The following PARD3 variants were observed in gnomAD, a reference collection of about 807,000 sequenced individuals.
PARD3 encodes par-3 family cell polarity regulator, also known as partitioning defective 3 homolog.
Under a neutral mutation model 155.4 loss-of-function variants are expected in PARD3, and 75 were observed. The observed-to-expected ratio is 0.48, with a 90% confidence interval of 0.40 to 0.58. PARD3 has a LOEUF of 0.58. PARD3 is among the 20% of genes least tolerant of loss of function. PARD3 has a pLI of 0.00. For missense variants in PARD3, 1,642 were observed against 1,721.7 expected (o/e 0.95, Z 0.82); for synonymous variants, 576 against 610.5 (o/e 0.94, Z 0.83).
chr10:34,158,667 C>T (rs1395731835), intron 22 of PARD3, among the ~76,000 whole-genome samples: 16 of 152,110 alleles, frequency 1.1e-4, no homozygotes, highest in Admixed American at 8.5e-4. Flanking sequence ...TCTCCTAGAA[C>T]GCTGTCCAAC....
intron 21 of PARD3, among the ~76,000 whole-genome samples, chr10:34,278,701 G>A (rs758959619): frequency 7.2e-5 from 11 of 152,250 alleles, no homozygotes; most frequent in Middle Eastern, 3.4e-3. Context: ...TAAGTTTCCT[G>A]AGGCCTCCTT....
chr10:34,373,096 C>T (rs968714995), intron 11 of PARD3, among the ~76,000 whole-genome samples: 8 of 151,938 alleles, frequency 5.3e-5, no homozygotes, highest in Non-Finnish European at 1.2e-4. Context: ...TTTAGACACA[C>T]AGAATTTAAA....
At chr10:34,264,356 G>C (rs751470089) in intron 22 of PARD3, among the ~76,000 whole-genome samples, 2 of 152,196 alleles carry the variant, frequency 1.3e-5, no homozygotes, top group Non-Finnish European at 2.9e-5. Flanking sequence ...AACTTACAAT[G>C]AGCTTATCAG....
At position 34,722,401 on chromosome 10, in the gene PARD3, T is replaced by A. The variant is rs564575329; in HGVS notation, c.121-25982A>T. On this transcript the variant is annotated intron_variant, in intron 1 of 24. Coordinates refer to ENST00000374788, the MANE Select transcript of PARD3 (RefSeq NM_001184785.2). ...AAATTATAGTTTACCTAGTCCAAGT[T>A]TTAATAATAAACTGGCTCAATGCTT... Among the ~76,000 whole-genome samples, 12 of 152,294 alleles carry A rather than the reference T, an allele frequency of 7.9e-5. No individual in the cohort carries two copies. The East Asian group carries it at 2.3e-3, about 29-fold the overall frequency.
At chr10:34,396,323 G>A (rs1843339853) in intron 7 of PARD3, among the ~76,000 whole-genome samples, 1 of 152,042 alleles carries the variant, frequency 6.6e-6, no homozygotes, top group African/African-American at 2.4e-5. Context: ...GTGTGACAGA[G>A]TGAGACTCCA....
chr10:34,296,742 G>A (rs894293858), intron 20 of PARD3, among the ~76,000 whole-genome samples: 10 of 152,120 alleles, frequency 6.6e-5, no homozygotes, highest in African/African-American at 2.4e-4. Flanking sequence ...AGATATAAAA[G>A]TATCAAAGCA....
At chr10:34,448,856 T>G (rs1296351590) in intron 5 of PARD3, among the ~76,000 whole-genome samples, 1 of 151,522 alleles carries the variant, frequency 6.6e-6, no homozygotes, top group Non-Finnish European at 1.5e-5. Flanking sequence ...AGAATAGATC[T>G]CAAGTGTTTT....
chr10:34,290,636 C>A (rs1432199420), intron 20 of PARD3, among the ~76,000 whole-genome samples: 4 of 152,102 alleles, frequency 2.6e-5, no homozygotes, highest in African/African-American at 9.7e-5. Flanking sequence ...TGTGTCTGAC[C>A]CTCATTTCTA....
chr10:34,284,851 C>T (rs1956310865), intron 20 of PARD3, among the ~76,000 whole-genome samples: 1 of 152,140 alleles, frequency 6.6e-6, no homozygotes, highest in African/African-American at 2.4e-5. Context: ...AAAGCAATTG[C>T]TGAATGTGGC....
At chr10:34,649,577 G>A (rs2092945374) in intron 2 of PARD3, among the ~76,000 whole-genome samples, 1 of 152,248 alleles carries the variant, frequency 6.6e-6, no homozygotes, top group African/African-American at 2.4e-5. Flanking sequence ...CATGAATGGA[G>A]CTTGCGGGAC....
intron 2 of PARD3, among the ~76,000 whole-genome samples, chr10:34,612,756 G>C (rs1004491261): frequency 1.3e-5 from 2 of 152,212 alleles, no homozygotes; most frequent in Non-Finnish European, 2.9e-5. Context: ...ACTGTTGCTA[G>C]TCATCATAGC....
chr10:34,136,667 AAAG>A (rs1947914595), intron 22 of PARD3, among the ~76,000 whole-genome samples: 1 of 152,210 alleles, frequency 6.6e-6, no homozygotes, highest in Admixed American at 6.5e-5. Context: ...AAAAGCTGCC[AAAG>A]AAGAGAGGAA....
intron 2 of PARD3, among the ~76,000 whole-genome samples, chr10:34,587,904 T>C (rs964067178): frequency 1.3e-5 from 2 of 152,188 alleles, no homozygotes; most frequent in Non-Finnish European, 2.9e-5. Context: ...GAATCACCCG[T>C]ATACTCACAC....
intron 23 of PARD3, among the ~76,000 whole-genome samples, chr10:34,125,490 G>C (rs1427854617): frequency 6.6e-6 from 1 of 152,218 alleles, no homozygotes; most frequent in Non-Finnish European, 1.5e-5. Context: ...GAGAAAATGA[G>C]AGCAGATACT....
chr10:34,482,032 CTTTT>C (rs58877037), intron 3 of PARD3, among the ~76,000 whole-genome samples: 6 of 101,592 alleles, frequency 5.9e-5, no homozygotes, highest in Admixed American at 1.1e-4. Flanking sequence ...TAATTTTTAT[CTTTT>C]TTTTTTTTTT....
intron 9 of PARD3, among the ~76,000 whole-genome samples, chr10:34,381,924 AAAAAAAAAAAAAAAAAAG>A (rs1328121103): frequency 6.5e-5 from 4 of 61,714 alleles, no homozygotes; most frequent in African/African-American, 2.2e-4. Context: ...AAAAAAAAAA[AAAAAAAAAAAAAAAAAAG>A]AAAGAAAAAG....
chr10:34,368,791 ACTAAACGCGTGTT>A (rs1276387444), intron 12 of PARD3, among the ~76,000 whole-genome samples: 1 of 150,536 alleles, frequency 6.6e-6, no homozygotes, highest in African/African-American at 2.5e-5. Context: ...AATCAATGGT[ACTAAACGCGTGTT>A]CTAGGAAAGC....
chr10:34,133,822 G>A (rs902663581), intron 22 of PARD3, among the ~76,000 whole-genome samples: 8 of 152,130 alleles, frequency 5.3e-5, no homozygotes, highest in African/African-American at 1.4e-4. Context: ...CTAAAAATAT[G>A]GAATAGTCTT....
intron 22 of PARD3, among the ~76,000 whole-genome samples, chr10:34,153,816 G>A (rs1477339834): frequency 1.3e-5 from 2 of 152,138 alleles, no homozygotes; most frequent in Admixed American, 6.5e-5. Flanking sequence ...CCCTTATGGT[G>A]TAACTCATAC....
Sources: allele counts gnomAD v4.1 joint callset (sites outside exome capture counted in the v4.1 genomes callset), GRCh38; gene constraint gnomAD v4.1.1; transcripts MANE v1.5; gene names NCBI Gene and HGNC (gene_info 2026-07-23, HGNC 2026-07-21).